The following PCDHGA10 variants were observed in gnomAD, a reference collection of about 807,000 sequenced individuals.
PCDHGA10 encodes protocadherin gamma subfamily A, 10.
A neutral mutation model predicts 59.5 loss-of-function variants in PCDHGA10; 42 were observed. The observed-to-expected ratio is 0.71, with a 90% CI of 0.55 to 0.91. The LOEUF is 0.91. Among genes scored for constraint, PCDHGA10 ranks in the 40% least tolerant of loss-of-function variants. The probability of loss-of-function intolerance (pLI) is 0.00; values close to 1 mark genes in which losing one functional copy is unlikely to be tolerated. For missense variants in PCDHGA10, 1,111 were observed against 1,198.2 expected (o/e 0.93, Z 1.07); for synonymous variants, 511 against 517.2 (o/e 0.99, Z 0.16).
intron 2 of PCDHGA10, among the ~76,000 whole-genome samples, chr5:141,500,587 C>T (rs1418158417): frequency 6.6e-5 from 10 of 152,170 alleles, no homozygotes; most frequent in South Asian, 2.1e-4. Flanking sequence ...ACACTTTATT[C>T]ACATATTAAG....
chr5:141,456,139 C>T (rs999574407), intron 1 of PCDHGA10, among the ~76,000 whole-genome samples: 20 of 152,010 alleles, frequency 1.3e-4, no homozygotes, highest in Admixed American at 9.8e-4. Context: ...CCTCCTGATC[C>T]GCCCGCCTCG....
chr5:141,443,029 C>A (rs1281303741), intron 1 of PCDHGA10, among the ~76,000 whole-genome samples: 1 of 152,192 alleles, frequency 6.6e-6, no homozygotes, highest in Admixed American at 6.5e-5. Flanking sequence ...AGTTGCCAGA[C>A]CTAAACTTTG....
intron 1 of PCDHGA10, chr5:141,479,399 T>C (rs2099494765): frequency 6.6e-6 from 1 of 152,576 alleles, no homozygotes; most frequent in African/African-American, 2.4e-5. Flanking sequence ...AGTTCTGGGC[T>C]GTGGTGCACT....
rs150878327 is a variant in PCDHGA10 at position 141,438,347 on chromosome 5, C to A, written c.2436+22736C>A. On this transcript the variant is annotated intron_variant, in intron 1 of 3. Coordinates refer to ENST00000398610, the MANE Select transcript of PCDHGA10 (RefSeq NM_018913.3). ...CTTATACATGTCATATAAGGATCTACTCTGTGTATTGTCATTGAGGGCAGA... is the reference window on the plus strand; with the variant it reads ...CTTATACATGTCATATAAGGATCTAATCTGTGTATTGTCATTGAGGGCAGA... Among the ~76,000 whole-genome samples the A allele has an allele frequency of 3.9e-3, 588 of 151,848 alleles. 6 individuals are homozygous for A. Among genetic ancestry groups the A allele is most frequent in the Admixed American group, 0.011 (169 of 15,256 alleles).
chr5:141,466,147 G>A (rs2099117729), intron 1 of PCDHGA10, among the ~76,000 whole-genome samples: 1 of 151,722 alleles, frequency 6.6e-6, no homozygotes, highest in South Asian at 2.1e-4. Flanking sequence ...TGAAAACTCT[G>A]GTCTTAAACT....
intron 1 of PCDHGA10, chr5:141,441,111 G>A (rs1457975305): frequency 1.3e-5 from 2 of 152,194 alleles, no homozygotes; most frequent in Non-Finnish European, 1.5e-5. Flanking sequence ...TCATTGTCCA[G>A]TGTACAGTTG....
Position 141,415,033 on chromosome 5 carries a change from C to G in PCDHGA10, c.1858C>G (p.Leu620Val), listed in dbSNP as rs1207811183. ...YRLLKASEPG[L>V]FAVGEHTGEV... ...TCTGCTCAAGGCCAGCGAGCCGGGA[C>G]TCTTCGCGGTGGGGGAGCACACGGG... Residue 620 changes from leucine to valine, a missense_variant, in exon 1 of 4, where the codon CTC (leucine) becomes GTC (valine). By Grantham distance (32) the Leu-to-Val change is conservative (BLOSUM62 1). Coordinates refer to ENST00000398610, the MANE Select transcript of PCDHGA10 (RefSeq NM_018913.3). 1.2e-6 allele frequency: 2 copies of G among 1,613,456 alleles called. No homozygotes were observed. The highest frequency in any genetic ancestry group is 1.1e-5 in the South Asian group (1 of 91,072).
intron 1 of PCDHGA10, among the ~76,000 whole-genome samples, chr5:141,435,099 TA>T (rs892317840): frequency 2.0e-5 from 3 of 152,260 alleles, no homozygotes; most frequent in African/African-American, 7.2e-5. Context: ...TCTGTTTATC[TA>T]GGGGGGAGAA....
intron 1 of PCDHGA10, among the ~76,000 whole-genome samples, chr5:141,456,303 G>A (rs941370138): frequency 6.6e-6 from 1 of 152,156 alleles, no homozygotes; most frequent in Non-Finnish European, 1.5e-5. Flanking sequence ...ATGGAGAACA[G>A]CAGCTAGGGC....
intron 1 of PCDHGA10, among the ~76,000 whole-genome samples, chr5:141,438,793 C>T (rs982191766): frequency 2.7e-5 from 4 of 149,544 alleles, no homozygotes; most frequent in African/African-American, 7.4e-5. Context: ...TCTCCAGTAG[C>T]TGGGATTACA....
At chr5:141,496,146 G>A (rs749790409) in intron 2 of PCDHGA10, among the ~76,000 whole-genome samples, 1 of 151,170 alleles carries the variant, frequency 6.6e-6, no homozygotes, top group Non-Finnish European at 1.5e-5. Flanking sequence ...GCCTTTGATC[G>A]CAGCTCTCCA....
chr5:141,499,104 C>A (rs2099789508), intron 2 of PCDHGA10, among the ~76,000 whole-genome samples: 1 of 152,120 alleles, frequency 6.6e-6, no homozygotes, highest in African/African-American at 2.4e-5. Flanking sequence ...CTTCTCCTCC[C>A]CACCACTATC....
intron 1 of PCDHGA10, chr5:141,441,621 G>C (rs2098260273): frequency 9.0e-6 from 2 of 223,292 alleles, no homozygotes; most frequent in Non-Finnish European, 1.8e-5. Flanking sequence ...CGTGGCCAGT[G>C]ACCTGGAGCC....
chr5:141,455,550 G>C lies in PCDHGA10; in HGVS notation c.2437-39257G>C, dbSNP rs1195359804. On this transcript the variant is annotated intron_variant, in intron 1 of 3. Transcript: ENST00000398610. ...ACCAGGCATATCATTCACGTAGCCC[G>C]AGAAAAAGCTGGCCCTCCCACCCCA... 2.0e-5 allele frequency among the ~76,000 whole-genome samples: 3 copies of C among 152,138 alleles called. No individual in the cohort carries two copies. In the South Asian group the frequency reaches 6.2e-4, roughly 32 times the overall value.
intron 1 of PCDHGA10, chr5:141,479,468 T>C (rs1473966646): frequency 1.3e-5 from 2 of 152,248 alleles, no homozygotes; most frequent in African/African-American, 4.8e-5. Context: ...TACAGTGACC[T>C]CTTGGGAGGG....
chr5:141,415,883 G>A (rs2095968409), intron 1 of PCDHGA10: 1 of 983,982 alleles, frequency 1.0e-6, no homozygotes, highest in African/African-American at 1.7e-5. Context: ...GTACAATATT[G>A]ACAATTCCTA....
intron 1 of PCDHGA10, chr5:141,430,868 G>A (rs1414256124): frequency 6.3e-7 from 1 of 1,597,104 alleles, no homozygotes; most frequent in Admixed American, 1.8e-5. Context: ...TTCAGTTCCG[G>A]AAGAGCTGGA....
rs766092387 is a variant in PCDHGA10 at position 141,491,171 on chromosome 5, T to C, written c.2437-3636T>C. 7.4e-6 allele frequency: 12 copies of C among 1,613,968 alleles called. No individual in the cohort carries two copies. The highest frequency in any genetic ancestry group is 1.3e-5 in the African/African-American group (1 of 74,904). On this transcript the variant is annotated intron_variant, in intron 1 of 3. Coordinates refer to ENST00000398610, the MANE Select transcript of PCDHGA10 (RefSeq NM_018913.3). The surrounding 1 kb of genome is among the most constrained non-coding windows in gnomAD (Gnocchi z 6.9). The stretch of plus-strand genomic sequence containing the variant: ...GAGGATGACTCTGACACCCAGCAGG[T>C]GGTGGTCCTGGTGAGGGACAATGGT...
At position 141,455,354 on chromosome 5, in the gene PCDHGA10, T is replaced by C. The variant is rs185319743; in HGVS notation, c.2437-39453T>C. ...TGGTTTTAAGGAGCGGAGAGTTTAA[T>C]AGGCAAGAAGGAAGGGAGAAGACAG... On this transcript the variant is annotated intron_variant, in intron 1 of 3. Coordinates refer to ENST00000398610, the MANE Select transcript of PCDHGA10 (RefSeq NM_018913.3). Among the ~76,000 whole-genome samples the C allele has an allele frequency of 1.7e-3, 263 of 152,180 alleles. 2 individuals are homozygous for C. The highest frequency in any genetic ancestry group is 3.0e-3 in the Non-Finnish European group (207 of 68,010).
Sources: allele counts gnomAD v4.1 joint callset (sites outside exome capture counted in the v4.1 genomes callset), GRCh38; gene constraint gnomAD v4.1.1; non-coding constraint Gnocchi (gnomAD v3.1); transcripts MANE v1.5; gene names NCBI Gene and HGNC (gene_info 2026-07-23, HGNC 2026-07-21).